The following CES5A variants were observed in gnomAD, a reference collection of about 807,000 sequenced individuals.
CES5A encodes carboxylesterase 5A.
Under a neutral mutation model 62.9 loss-of-function variants are expected in CES5A, and 67 were observed. That is an observed-to-expected ratio of 1.07 (90% CI 0.88 to 1.31). The LOEUF (loss-of-function observed/expected upper bound fraction) is 1.31. Ranked by LOEUF, CES5A falls within the 50% of genes most tolerant of loss-of-function variation. The pLI is 0.00. For synonymous variants in CES5A, 296 were observed against 280.8 expected (o/e 1.05, Z -0.54); for missense variants, 748 against 708.5 (o/e 1.06, Z -0.63).
intron 1 of CES5A, among the ~76,000 whole-genome samples, chr16:55,898,428 A>T (rs2033955744): frequency 6.6e-6 from 1 of 152,206 alleles, no homozygotes; most frequent in African/African-American, 2.4e-5. Flanking sequence ...CAGGAAAAAA[A>T]GCTAGTTCTG....
At chr16:55,892,317 C>T (rs973327750) in intron 1 of CES5A, among the ~76,000 whole-genome samples, 3 of 152,212 alleles carry the variant, frequency 2.0e-5, no homozygotes, top group African/African-American at 7.2e-5. Flanking sequence ...CAATCTATTT[C>T]TCAAATGTGT....
chr16:55,879,927 C>G (rs143966814), upstream of CES5A, among the ~76,000 whole-genome samples: 520 of 152,308 alleles, frequency 3.4e-3, 4 homozygotes, highest in African/African-American at 0.011. Flanking sequence ...CAATGAAATC[C>G]TAAAGATTGT....
At chr16:55,879,177 C>T (rs1380751189), upstream of CES5A, among the ~76,000 whole-genome samples, 1 of 149,418 alleles carries the variant, frequency 6.7e-6, no homozygotes, top group East Asian at 2.0e-4. Context: ...CACCACTGCA[C>T]TCCACCAATG....
intron 2 of CES5A, among the ~76,000 whole-genome samples, chr16:55,942,669 T>C (rs74019337): frequency 0.019 from 2,844 of 152,318 alleles, 88 homozygotes; most frequent in African/African-American, 0.064. Flanking sequence ...TGCTTCAACA[T>C]TCCACTCCTA....
intron 9 of CES5A, among the ~76,000 whole-genome samples, chr16:55,854,169 G>A (rs1482373263): frequency 1.3e-5 from 2 of 152,116 alleles, no homozygotes; most frequent in Non-Finnish European, 2.9e-5. Context: ...CAAAATCCTA[G>A]GGTTCTGGGG....
At chr16:55,955,964 C>T in exon 1 of CES5A, 1 of 1,415,404 alleles carries the variant, frequency 7.1e-7, no homozygotes. Context: ...TCTTGCACAT[C>T]ATGTACATGG....
intron 2 of CES5A, among the ~76,000 whole-genome samples, chr16:55,938,779 T>TATATATATATATATACAC (rs1256582033): frequency 1.1e-5 from 1 of 89,940 alleles, no homozygotes; most frequent in African/African-American, 5.9e-5. Flanking sequence ...TATATATATA[T>TATATATATATATATACAC]ATATATATAT....
chr16:55,874,111 C>A, intron 1 of CES5A, 74 bp from the exon 2 acceptor site: 1 of 1,337,280 alleles, frequency 7.5e-7, no homozygotes, highest in South Asian at 1.3e-5. Flanking sequence ...GTCTGGAGCT[C>A]CCCAGTGGGG....
chr16:55,891,761 A>G (rs1362167132), intron 1 of CES5A, among the ~76,000 whole-genome samples: 1 of 152,154 alleles, frequency 6.6e-6, no homozygotes, highest in Non-Finnish European at 1.5e-5. Context: ...GGGGTCCATG[A>G]TATTTCCCTT....
At position 55,846,648 on chromosome 16, in the gene CES5A, C is replaced by G; in HGVS notation, c.1531G>C (p.Ala511Pro). ...PNGNDLSLWP[A>P]YNLTEQYLQL... ...AGGTACTGCTCAGTCAGATTATAAG[C>G]TGGCCACAGAGACAGGTCGTTCCCA... The change falls in exon 13 of 13, where the codon GCT (alanine) becomes CCT (proline). Residue 511 changes from alanine to proline, a missense_variant. Transcript: ENST00000290567. The G allele has an allele frequency of 6.2e-7, 1 of 1,614,114 alleles. No homozygotes were observed.
At chr16:55,877,039 CT>C (rs2033703941), upstream of CES5A, among the ~76,000 whole-genome samples, 1 of 152,160 alleles carries the variant, frequency 6.6e-6, no homozygotes, top group South Asian at 2.1e-4. Flanking sequence ...AGACCATGAG[CT>C]CACCACTTAA....
chr16:55,886,121 C>T (rs2033813013), intron 1 of CES5A, among the ~76,000 whole-genome samples: 1 of 152,206 alleles, frequency 6.6e-6, no homozygotes, highest in Admixed American at 6.5e-5. Context: ...AGCTAAAATT[C>T]AACTGTTACA....
chr16:55,886,257 C>T (rs2033814341), intron 1 of CES5A, among the ~76,000 whole-genome samples: 1 of 152,194 alleles, frequency 6.6e-6, no homozygotes, highest in Non-Finnish European at 1.5e-5. Context: ...GAGGTAAAGA[C>T]ATACATGATG....
At chr16:55,896,764 A>G (rs1400856067) in intron 1 of CES5A, among the ~76,000 whole-genome samples, 7 of 152,174 alleles carry the variant, frequency 4.6e-5, no homozygotes, top group Non-Finnish European at 8.8e-5. Flanking sequence ...TACATCCATT[A>G]TCTCATTTAA....
At chr16:55,914,351 G>T (rs767308966) in intron 1 of CES5A, among the ~76,000 whole-genome samples, 1 of 152,126 alleles carries the variant, frequency 6.6e-6, no homozygotes, top group African/African-American at 2.4e-5. Flanking sequence ...TTAACCAGGG[G>T]GGTTGGCCTG....
intron 2 of CES5A, among the ~76,000 whole-genome samples, chr16:55,932,714 G>T (rs1386566777): frequency 6.6e-6 from 1 of 152,200 alleles, no homozygotes; most frequent in East Asian, 1.9e-4. Flanking sequence ...CAAAAAGAAA[G>T]AGCTTGTTGA....
intron 1 of CES5A, among the ~76,000 whole-genome samples, chr16:55,919,930 C>T (rs535767353): frequency 1.3e-5 from 2 of 152,140 alleles, no homozygotes; most frequent in Non-Finnish European, 2.9e-5. Flanking sequence ...CCCTATTCTC[C>T]AGAAGAGAAA....
intron 5 of CES5A, among the ~76,000 whole-genome samples, chr16:55,865,461 T>A (rs1233944819): frequency 6.6e-6 from 1 of 152,198 alleles, no homozygotes; most frequent in Non-Finnish European, 1.5e-5. Context: ...AAACTGCAAT[T>A]TGAGGACAGT....
intron 2 of CES5A, among the ~76,000 whole-genome samples, chr16:55,948,009 G>A (rs2034514761): frequency 6.6e-6 from 1 of 151,956 alleles, no homozygotes; most frequent in African/African-American, 2.4e-5. Flanking sequence ...ATAGATTGTA[G>A]GAGCTAAGAG....
Sources: gnomAD v4.1 joint callset for allele counts (sites outside exome capture counted in the v4.1 genomes callset) on GRCh38, gnomAD v4.1.1 for gene constraint, MANE v1.5 for transcripts, NCBI Gene and HGNC (gene_info 2026-07-23, HGNC 2026-07-21) for gene names.